OSBPL10: variants seen among roughly 807,000 people sequenced by gnomAD.
OSBPL10 encodes the protein oxysterol-binding protein-related protein 10.
A neutral mutation model predicts 81.7 loss-of-function variants in OSBPL10; 49 were observed. The ratio of observed to expected loss-of-function variants is 0.60; its 90% CI spans 0.48 to 0.76. OSBPL10 has a LOEUF of 0.76. OSBPL10 is among the 30% of genes least tolerant of loss of function. OSBPL10 has a pLI of 0.00. For synonymous variants in OSBPL10, 419 were observed against 383.6 expected, an observed-to-expected ratio of 1.09 and a Z score of -1.08; for missense variants, 923 against 987.8, an observed-to-expected ratio of 0.93 and a Z score of 0.88.
intron 4 of OSBPL10, among the ~76,000 whole-genome samples, chr3:31,759,495 A>G (rs1345970718): frequency 2.6e-5 from 4 of 152,240 alleles, no homozygotes; most frequent in African/African-American, 9.6e-5. Flanking sequence ...TCAAATAGAA[A>G]GAAAAATACT....
rs375249862 is a variant in OSBPL10 at position 31,765,192 on chromosome 3, G to T, written c.730-17072C>A. 7.6e-4 allele frequency among the ~76,000 whole-genome samples: 115 copies of T among 151,208 alleles called. 1 individual carries two copies. The highest frequency in any genetic ancestry group is 2.7e-3 in the African/African-American group (113 of 41,234). ...GCCACCATGCCCAACTAATTTTTGT[G>T]TTTTGTTTTGTTTTTGTTTTTTTTT... On this transcript the variant is annotated intron_variant, in intron 4 of 11. Transcript: ENST00000396556.
At chr3:32,043,420 AATTT>A (rs1699594448) in intron 2 of OSBPL10, among the ~76,000 whole-genome samples, 1 of 152,160 alleles carries the variant, frequency 6.6e-6, no homozygotes, top group South Asian at 2.1e-4. Flanking sequence ...TTTTATAATC[AATTT>A]GTACAGTTAA....
chr3:32,014,521 T>C (rs1287771118), intron 2 of OSBPL10, among the ~76,000 whole-genome samples: 1 of 152,162 alleles, frequency 6.6e-6, no homozygotes, highest in Non-Finnish European at 1.5e-5. Context: ...AAGCATTCCC[T>C]TTGAAAACTG....
chr3:31,905,801 A>T (rs529176965), intron 1 of OSBPL10, among the ~76,000 whole-genome samples: 2 of 152,248 alleles, frequency 1.3e-5, no homozygotes, highest in East Asian at 3.9e-4. Context: ...TAGAAAAAAA[A>T]ATATAAGACT....
intron 2 of OSBPL10, among the ~76,000 whole-genome samples, chr3:32,025,112 T>C (rs1239829540): frequency 6.6e-6 from 1 of 152,184 alleles, no homozygotes; most frequent in Non-Finnish European, 1.5e-5. Context: ...CACCATTAAA[T>C]ATGATATTAG....
rs1700879441 is a variant in OSBPL10 at position 31,689,217 on chromosome 3, AG to A, written c.1246-5104del. ...AACTCTTCAGTATCACTGCCATGAAAGGGAAAAAGGCGGGGAATTTTCTTGA... is the reference window on the plus strand; with the variant it reads ...AACTCTTCAGTATCACTGCCATGAAAGGAAAAAGGCGGGGAATTTTCTTGA... On this transcript the variant is annotated intron_variant, in intron 7 of 11. Coordinates refer to ENST00000396556, the MANE Select transcript of OSBPL10 (RefSeq NM_017784.5). Among the ~76,000 whole-genome samples, 3 of 152,190 alleles carry A rather than the reference AG, an allele frequency of 2.0e-5. No homozygotes were observed. The South Asian group carries it at 6.2e-4, about 31-fold the overall frequency.
At chr3:32,069,389 C>G (rs528233199) in intron 1 of OSBPL10, among the ~76,000 whole-genome samples, 1 of 152,120 alleles carries the variant, frequency 6.6e-6, no homozygotes, top group African/African-American at 2.4e-5. Context: ...GGCAGATTCC[C>G]CAGGTATAGC....
chr3:31,947,613 AG>A (rs1697740235), intron 1 of OSBPL10, among the ~76,000 whole-genome samples: 1 of 152,124 alleles, frequency 6.6e-6, no homozygotes, highest in African/African-American at 2.4e-5. Flanking sequence ...TGGGGTTGGG[AG>A]GTTTGGTGGA....
intron 3 of OSBPL10, among the ~76,000 whole-genome samples, chr3:31,861,252 C>T (rs1701051318): frequency 6.6e-6 from 1 of 152,058 alleles, no homozygotes; most frequent in Non-Finnish European, 1.5e-5. Context: ...GGATTAGTTC[C>T]ATGACCCTTC....
chr3:31,884,595 C>T (rs1483828422), intron 1 of OSBPL10, among the ~76,000 whole-genome samples: 1 of 152,164 alleles, frequency 6.6e-6, no homozygotes, highest in Non-Finnish European at 1.5e-5. Flanking sequence ...AGGGTCATGG[C>T]TTTGTCAGGT....
intron 5 of OSBPL10, among the ~76,000 whole-genome samples, chr3:31,738,186 C>T (rs1697242723): frequency 6.6e-6 from 1 of 151,936 alleles, no homozygotes; most frequent in Non-Finnish European, 1.5e-5. Flanking sequence ...CCAGCAAAAT[C>T]AATGGGAAAA....
At chr3:31,672,550 T>A (rs950231539) in intron 8 of OSBPL10, among the ~76,000 whole-genome samples, 2 of 152,098 alleles carry the variant, frequency 1.3e-5, no homozygotes, top group Non-Finnish European at 2.9e-5. Flanking sequence ...ATGGTTGCTC[T>A]TAGTTTCTAA....
chr3:31,833,705 G>GCACACACACACA (rs10591808), intron 3 of OSBPL10, among the ~76,000 whole-genome samples: 2,066 of 137,954 alleles, frequency 0.015, 47 homozygotes, highest in East Asian at 0.11. Context: ...ACACGCACAC[G>GCACACACACACA]CACACACACA....
chr3:31,806,882 C>G (rs989026324), intron 4 of OSBPL10, among the ~76,000 whole-genome samples: 3 of 152,024 alleles, frequency 2.0e-5, no homozygotes, highest in Non-Finnish European at 2.9e-5. Flanking sequence ...CTAGGAACAG[C>G]AGACCTCCTA....
intron 11 of OSBPL10, chr3:31,663,811 C>T: frequency 7.3e-7 from 1 of 1,376,642 alleles, no homozygotes; most frequent in Non-Finnish European, 9.4e-7. Flanking sequence ...CCCTCACAGG[C>T]AGGCTGACAT....
intron 6 of OSBPL10, among the ~76,000 whole-genome samples, chr3:31,729,118 T>C (rs949825772): frequency 2.6e-5 from 4 of 152,220 alleles, no homozygotes; most frequent in African/African-American, 9.6e-5. Flanking sequence ...TGGTGAATTA[T>C]ATTGTTTGTG....
upstream of OSBPL10, chr3:31,981,376 G>T: frequency 1.1e-6 from 1 of 935,650 alleles, no homozygotes; most frequent in Non-Finnish European, 1.4e-6. This position sits in a 1 kb window ranked among gnomAD's most constrained non-coding sequence, Gnocchi z 4.5. Context: ...GCTGGATGCA[G>T]CTGCGGCCGC....
chr3:32,000,186 A>G (rs1699131551), intron 2 of OSBPL10, among the ~76,000 whole-genome samples: 1 of 152,240 alleles, frequency 6.6e-6, no homozygotes. Flanking sequence ...GTTTTATACA[A>G]GTATAAAGCC....
At position 31,856,977 on chromosome 3, in the gene OSBPL10, C is replaced by T. The variant is rs942966915; in HGVS notation, c.537+19456G>A. On this transcript the variant is annotated intron_variant, in intron 3 of 11. Coordinates refer to ENST00000396556, the MANE Select transcript of OSBPL10 (RefSeq NM_017784.5). ...TGTATTCCCAGCTACGTGGGTGAAT[C>T]GCCTGAACCTGGGCGGTGGAGGGTT... Among the ~76,000 whole-genome samples, 5 of 152,072 alleles carry T rather than the reference C, an allele frequency of 3.3e-5. No homozygotes were observed. The East Asian group carries it at 5.8e-4, about 18-fold the overall frequency.
Sources: gnomAD v4.1 joint callset for allele counts (sites outside exome capture counted in the v4.1 genomes callset) on GRCh38, gnomAD v4.1.1 for gene constraint, Gnocchi (gnomAD v3.1) non-coding constraint, MANE v1.5 for transcripts, NCBI Gene and HGNC (gene_info 2026-07-23, HGNC 2026-07-21) for gene names.